GRHL2: variants seen among roughly 807,000 people sequenced by gnomAD.
GRHL2 encodes grainyhead like transcription factor 2.
GRHL2 carries 21 observed loss-of-function variants against 83.8 expected under a neutral mutation model. That is an observed-to-expected ratio of 0.25 (90% CI 0.18 to 0.36). The LOEUF (loss-of-function observed/expected upper bound fraction) is 0.36. Ranked by LOEUF, GRHL2 falls within the 10% of genes least tolerant of loss-of-function variation. The pLI is 1.00. For missense variants in GRHL2, 623 were observed against 781.8 expected (o/e 0.80, Z 2.42); for synonymous variants, 280 against 278.9 (o/e 1.00, Z -0.04).
downstream of GRHL2, among the ~76,000 whole-genome samples, chr8:101,672,411 A>C (rs576218725): frequency 2.0e-4 from 31 of 151,926 alleles, no homozygotes; most frequent in Admixed American, 6.5e-4. Context: ...AAGAATGCAG[A>C]AGCCTCAGGA....
chr8:101,639,960 T>G (rs1448908156), intron 12 of GRHL2, among the ~76,000 whole-genome samples: 3 of 152,218 alleles, frequency 2.0e-5, no homozygotes, highest in African/African-American at 7.2e-5. Flanking sequence ...AGACTGAGGA[T>G]ATAACACACA....
intron 7 of GRHL2, among the ~76,000 whole-genome samples, chr8:101,590,875 C>G (rs1166067453): frequency 1.3e-5 from 2 of 152,176 alleles, no homozygotes; most frequent in Admixed American, 1.3e-4. Context: ...AGACAGAATC[C>G]GCACCTTTCA....
chr8:101,626,469 A>G (rs1813082162), intron 9 of GRHL2, among the ~76,000 whole-genome samples: 1 of 152,076 alleles, frequency 6.6e-6, no homozygotes, highest in Non-Finnish European at 1.5e-5. Context: ...TTCTTTCACA[A>G]TCTTTCGTGA....
At chr8:101,587,991 T>C (rs1812202614) in intron 7 of GRHL2, among the ~76,000 whole-genome samples, 2 of 152,208 alleles carry the variant, frequency 1.3e-5, no homozygotes, top group Admixed American at 6.5e-5. Flanking sequence ...ATTAAACTCT[T>C]TGAGGTTGTA....
intron 8 of GRHL2, among the ~76,000 whole-genome samples, chr8:101,605,639 C>G (rs1266917975): frequency 6.6e-6 from 1 of 152,200 alleles, no homozygotes; most frequent in Non-Finnish European, 1.5e-5. Flanking sequence ...ACATAGGGCT[C>G]TCTCTATCCA....
chr8:101,676,064 A>G, the GRHL2 span, among the ~76,000 whole-genome samples: 3 of 152,036 alleles, frequency 2.0e-5, no homozygotes, highest in Non-Finnish European at 2.9e-5. Flanking sequence ...TTAATTCAAG[A>G]TGGATTAAAG....
At chr8:101,492,911 C>T in intron 1 of GRHL2, 122 bp downstream of exon 1, 1 of 922,254 alleles carries the variant, frequency 1.1e-6, no homozygotes, top group Non-Finnish European at 1.8e-6. Flanking sequence ...TTTTCTTTTT[C>T]TTTTTGGTGG....
intron 8 of GRHL2, among the ~76,000 whole-genome samples, chr8:101,608,770 CA>C (rs1812686632): frequency 1.6e-5 from 2 of 128,220 alleles, no homozygotes; most frequent in Non-Finnish European, 3.3e-5. Flanking sequence ...CACACACACA[CA>C]CACACACCTA....
At chr8:101,567,631 A>C (rs1464517517) in intron 4 of GRHL2, among the ~76,000 whole-genome samples, 1 of 152,256 alleles carries the variant, frequency 6.6e-6, no homozygotes, top group African/African-American at 2.4e-5. Flanking sequence ...AGTAGTCACC[A>C]CTACTATAAC....
chr8:101,577,566 G>A, intron 7 of GRHL2, 47 bp downstream of exon 7: 2 of 1,298,482 alleles, frequency 1.5e-6, no homozygotes, highest in Middle Eastern at 1.8e-4. Flanking sequence ...AAACTGACAT[G>A]TTGTCTCAAT....
intron 2 of GRHL2, among the ~76,000 whole-genome samples, chr8:101,546,662 G>A (rs746202748): frequency 1.3e-5 from 2 of 151,940 alleles, no homozygotes; most frequent in Non-Finnish European, 2.9e-5. Context: ...GTGATCCACC[G>A]GCCTTGACCT....
At chr8:101,673,581 A>G (rs138219604), downstream of GRHL2, among the ~76,000 whole-genome samples, 15 of 150,610 alleles carry the variant, frequency 1.0e-4, no homozygotes, top group Non-Finnish European at 1.9e-4. Flanking sequence ...AAGTCCTTAG[A>G]GACCTACAAA....
chr8:101,668,883 CTG>C lies in GRHL2; in HGVS notation c.*2182_*2183del, dbSNP rs763142242. The C allele has an allele frequency of 5.3e-5, 8 of 152,260 alleles. No individual in the cohort carries two copies. The highest frequency in any genetic ancestry group is 8.8e-5 in the Non-Finnish European group (6 of 68,060). 9.4% of individuals were successfully genotyped at this position (152,260 alleles called of 1,614,324 possible). On this transcript the variant is annotated 3_prime_UTR_variant, in exon 16 of 16. Transcript: ENST00000646743. ...CTCTCTCTCCAGCCTCTTTATGAAACTGTTTGTTTGCCAGTCCTGCCCTAAGG... is the reference window on the plus strand; with the variant it reads ...CTCTCTCTCCAGCCTCTTTATGAAACTTTGTTTGCCAGTCCTGCCCTAAGG...
intron 1 of GRHL2, among the ~76,000 whole-genome samples, chr8:101,495,406 T>C (rs1411643070): frequency 2.0e-5 from 3 of 152,188 alleles, no homozygotes; most frequent in Non-Finnish European, 4.4e-5. Context: ...GCTTTTGATG[T>C]TCTGCAGTGT....
chr8:101,548,632 T>G (rs1461108488), intron 2 of GRHL2, among the ~76,000 whole-genome samples: 2 of 152,212 alleles, frequency 1.3e-5, no homozygotes, highest in Non-Finnish European at 2.9e-5. Context: ...TTGAGTTTGA[T>G]GTGCCTGCAG....
intron 4 of GRHL2, among the ~76,000 whole-genome samples, chr8:101,559,950 T>C (rs1002221351): frequency 6.6e-6 from 1 of 152,216 alleles, no homozygotes; most frequent in Non-Finnish European, 1.5e-5. Flanking sequence ...TAGTCTCCTA[T>C]GTTGCCTTTT....
intron 9 of GRHL2, among the ~76,000 whole-genome samples, chr8:101,621,977 A>C (rs1812976134): frequency 6.6e-6 from 1 of 152,226 alleles, no homozygotes; most frequent in South Asian, 2.1e-4. Context: ...TTAAATATGC[A>C]TTTAAATACA....
chr8:101,644,222 C>A lies in GRHL2; in HGVS notation c.1609C>A (p.Arg537=), dbSNP rs1226294385. 6 of 1,612,122 alleles carry A rather than the reference C, an allele frequency of 3.7e-6. No homozygotes were observed. Among genetic ancestry groups the A allele is most frequent in the Non-Finnish European group, 5.1e-6 (6 of 1,178,636 alleles). The change falls in exon 13 of 16, where the codon CGA becomes AGA. Residue 537 remains arginine, a synonymous_variant. Transcript: ENST00000646743. ...SKQMKEEGTK[R]VLLYVRKETD... ...GCAGATGAAAGAAGAAGGGACAAAG[C>A]GAGGTATCTCTCCTGCTGGGGCATG...
chr8:101,493,624 G>C (rs947195554), intron 1 of GRHL2, among the ~76,000 whole-genome samples: 2 of 152,118 alleles, frequency 1.3e-5, no homozygotes, highest in Admixed American at 6.5e-5. Context: ...CACGCCCCTC[G>C]AGCTCGCGGC....
Sources: allele counts gnomAD v4.1 joint callset (sites outside exome capture counted in the v4.1 genomes callset), GRCh38; gene constraint gnomAD v4.1.1; transcripts MANE v1.5; gene names NCBI Gene and HGNC (gene_info 2026-07-23, HGNC 2026-07-21).